Variants in GSR observed in about 807,000 individuals in gnomAD.
GSR encodes the protein glutathione reductase, mitochondrial.
GSR carries 48 observed loss-of-function variants against 56.5 expected under a neutral mutation model. That is an observed-to-expected ratio of 0.85 (90% CI 0.67 to 1.08). The LOEUF (loss-of-function observed/expected upper bound fraction) is 1.08. GSR is among the 50% of genes least tolerant of loss of function. The pLI is 0.00. For synonymous variants in GSR, 264 were observed against 270.8 expected, an observed-to-expected ratio of 0.97 and a Z score of 0.25; for missense variants, 694 against 703.3, an observed-to-expected ratio of 0.99 and a Z score of 0.15.
At chr8:30,702,098 C>T (rs8190975) in intron 5 of GSR, among the ~76,000 whole-genome samples, 2,431 of 151,918 alleles carry the variant, frequency 0.016, 31 homozygotes, top group South Asian at 0.024. Context: ...GCCTGTAATC[C>T]CAGCACTTTG....
Position 30,679,237 on chromosome 8 carries a change from G to A in GSR, c.*283C>T. 1 of 437,424 alleles carries A rather than the reference G, an allele frequency of 2.3e-6. No homozygotes were observed. The highest frequency in any genetic ancestry group is 2.4e-5 in the South Asian group (1 of 41,112). 27.1% of individuals were successfully genotyped at this position (437,424 alleles called of 1,614,324 possible). A position where few individuals can be genotyped will look rare whatever the true frequency, so the allele number is the denominator to read the frequency against. On this transcript the variant is annotated 3_prime_UTR_variant, in exon 13 of 13. Transcript: ENST00000221130. The stretch of plus-strand genomic sequence containing the variant: ...TCACAAAGCTTTATATTTGGGATGA[G>A]GCTAAAACAGAAAAAAAAAACTAGC...
chr8:30,722,784 A>G (rs148323283), intron 1 of GSR, among the ~76,000 whole-genome samples: 25 of 151,022 alleles, frequency 1.7e-4, no homozygotes, highest in African/African-American at 5.8e-4. Context: ...TTACCAGGGT[A>G]TAGACATCAT....
In GSR at chr8:30,727,787, G is replaced by C. The variant is rs1319819824; in HGVS notation, c.49C>G (p.Arg17Gly). ...CCTCGGAAGGCGCGCGCCGCCCGCC[G>C]CCAGCTCGGTCCCGCGCCGGCGCTC... ...ALSAGAGPSW[R>G]RAARAFRGFL... The change falls in exon 1 of 13, where the codon CGG (arginine) becomes GGG (glycine). Residue 17 changes from arginine to glycine, a missense_variant. Physicochemically the swap from Arg to Gly is moderately radical, Grantham distance 125. Coordinates refer to ENST00000221130, the MANE Select transcript of GSR (RefSeq NM_000637.5). The C allele has an allele frequency of 7.4e-7, 1 of 1,350,202 alleles. No homozygotes were observed. The highest frequency in any genetic ancestry group is 9.5e-7 in the Non-Finnish European group (1 of 1,050,838). The allele number at this position is 1,350,202 out of a possible 1,614,324, so 83.6% of individuals were successfully genotyped here.
chr8:30,699,424 C>T (rs1803654041), intron 6 of GSR, among the ~76,000 whole-genome samples: 1 of 151,824 alleles, frequency 6.6e-6, no homozygotes, highest in South Asian at 2.1e-4. Context: ...GCCTGACCAA[C>T]ATGGAGAAAA....
Position 30,700,113 on chromosome 8 carries a change from G to A in GSR, c.663C>T (p.Ser221=), listed in dbSNP as rs748916113. ...QIPGASLGIT[S]DGFFQLEELP... Reference sequence around the variant, plus strand: ...ATTCTTCCAGCTGAAAAAATCCATCGCTGGTTATTCCTAAGCTGGCACCTA... The same window carrying A: ...ATTCTTCCAGCTGAAAAAATCCATCACTGGTTATTCCTAAGCTGGCACCTA... Residue 221 remains serine, a synonymous_variant, in exon 6 of 13, where the codon AGC becomes AGT. Transcript: ENST00000221130. The A allele has an allele frequency of 5.0e-6, 8 of 1,612,882 alleles. No homozygotes were observed. Among genetic ancestry groups the A allele is most frequent in the African/African-American group, 2.7e-5 (2 of 74,898 alleles).
At chr8:30,700,173 C>T (rs945075586) in intron 5 of GSR, 38 bp from the exon 6 acceptor site, 6 of 1,401,582 alleles carry the variant, frequency 4.3e-6, no homozygotes, top group Non-Finnish European at 6.1e-6. Context: ...CACAAGACTG[C>T]TCTTTCTCTT....
At chr8:30,686,796 G>T (rs1240079129) in intron 9 of GSR, among the ~76,000 whole-genome samples, 5 of 151,724 alleles carry the variant, frequency 3.3e-5, no homozygotes, top group African/African-American at 1.2e-4. Flanking sequence ...AAAGCTGAAT[G>T]ACCAGTTTTT....
intron 5 of GSR, among the ~76,000 whole-genome samples, 166 bp from the exon 6 acceptor site, chr8:30,700,301 T>G (rs527378714): frequency 6.6e-6 from 1 of 152,254 alleles, no homozygotes; most frequent in Admixed American, 6.5e-5. Context: ...AAATCCTCCC[T>G]GAGTTAACAT....
chr8:30,705,575 T>G (rs1803892863), intron 4 of GSR, among the ~76,000 whole-genome samples: 1 of 151,946 alleles, frequency 6.6e-6, no homozygotes, highest in African/African-American at 2.4e-5. Context: ...ACAAACGTTT[T>G]TTAAAAGTAG....
chr8:30,724,799 G>C (rs907153675), intron 1 of GSR, among the ~76,000 whole-genome samples: 5 of 152,116 alleles, frequency 3.3e-5, no homozygotes, highest in Non-Finnish European at 7.3e-5. Flanking sequence ...GCCTCCCAAA[G>C]TGCTGGCGTG....
chr8:30,688,981 A>T (rs1803264737), intron 9 of GSR, among the ~76,000 whole-genome samples, 180 bp downstream of exon 9: 1 of 152,118 alleles, frequency 6.6e-6, no homozygotes, highest in Non-Finnish European at 1.5e-5. Flanking sequence ...AGAGAAGAGA[A>T]AACTTTTTTT....
At chr8:30,709,448 G>T (rs1804031216) in intron 3 of GSR, among the ~76,000 whole-genome samples, 1 of 152,082 alleles carries the variant, frequency 6.6e-6, no homozygotes, top group South Asian at 2.1e-4. Flanking sequence ...AGACATAAAG[G>T]AACAAATATT....
chr8:30,700,755 CGT>C (rs1803710310), intron 5 of GSR, among the ~76,000 whole-genome samples: 1 of 80,156 alleles, frequency 1.2e-5, no homozygotes, highest in Non-Finnish European at 3.0e-5. Context: ...AAAAAATCGA[CGT>C]GGCCCTTTCC....
intron 5 of GSR, among the ~76,000 whole-genome samples, chr8:30,701,221 T>G (rs1037713077): frequency 2.6e-5 from 4 of 152,040 alleles, no homozygotes; most frequent in Non-Finnish European, 4.4e-5. Flanking sequence ...ATCCCAGCAC[T>G]TTGGGAGACT....
At chr8:30,727,434 C>G in intron 1 of GSR, 96 bp downstream of exon 1, 1 of 1,196,122 alleles carries the variant, frequency 8.4e-7, no homozygotes. Context: ...AGCCCAGCGC[C>G]GGGGGACAGG....
intron 4 of GSR, among the ~76,000 whole-genome samples, chr8:30,707,728 G>C (rs1465912826): frequency 6.6e-6 from 1 of 151,988 alleles, no homozygotes; most frequent in East Asian, 1.9e-4. Flanking sequence ...GACAAGGTGG[G>C]CAGATCACCT....
At chr8:30,712,947 T>C (rs1490706230) in intron 1 of GSR, among the ~76,000 whole-genome samples, 2 of 152,202 alleles carry the variant, frequency 1.3e-5, no homozygotes, top group African/African-American at 2.4e-5. Flanking sequence ...TACAAATACA[T>C]ATTTGGTTAC....
chr8:30,702,042 A>C (rs1235244261), intron 5 of GSR, among the ~76,000 whole-genome samples: 4 of 151,872 alleles, frequency 2.6e-5, no homozygotes, highest in Admixed American at 2.6e-4. Flanking sequence ...TCTCAAAAAA[A>C]TAAAATAATA....
rs1028431328 is a variant in GSR, at chr8:30,689,746, G to A, written c.883-427C>T. 7.9e-4 allele frequency among the ~76,000 whole-genome samples: 109 copies of A among 138,620 alleles called. 1 individual carries two copies. The highest frequency in any genetic ancestry group is 3.6e-3 in the Middle Eastern group (1 of 276). The allele number at this position is 138,620 out of a possible 152,430, so 90.9% of individuals were successfully genotyped here. On this transcript the variant is annotated intron_variant, in intron 8 of 12. Coordinates refer to ENST00000221130, the MANE Select transcript of GSR (RefSeq NM_000637.5). ...TCCCTGGGTATATACGTGTGTGTGT[G>A]TATATATATATATATACACACACAC...
Sources: gnomAD v4.1 joint callset for allele counts (sites outside exome capture counted in the v4.1 genomes callset) on GRCh38, gnomAD v4.1.1 for gene constraint, MANE v1.5 for transcripts, NCBI Gene and HGNC (gene_info 2026-07-23, HGNC 2026-07-21) for gene names.